NEK10: variants seen among roughly 807,000 people sequenced by gnomAD.
The protein encoded by NEK10 is serine/threonine-protein kinase Nek10.
NEK10 carries 122 observed loss-of-function variants against 159.8 expected under a neutral mutation model. The observed-to-expected ratio is 0.76, with a 90% CI of 0.66 to 0.89. The LOEUF (loss-of-function observed/expected upper bound fraction) is 0.89. Ranked by LOEUF, NEK10 falls within the 40% of genes least tolerant of loss-of-function variation. NEK10 has a pLI of 0.00. For synonymous variants in NEK10, 466 were observed against 457.1 expected (o/e 1.02, Z -0.25); for missense variants, 1,342 against 1,323.1 (o/e 1.01, Z -0.22).
At chr3:27,288,783 T>C (rs1401617302) in intron 19 of NEK10, among the ~76,000 whole-genome samples, 1 of 152,220 alleles carries the variant, frequency 6.6e-6, no homozygotes, top group Non-Finnish European at 1.5e-5. Flanking sequence ...AAATTTGTCT[T>C]AGAACAGTCA....
intron 26 of NEK10, among the ~76,000 whole-genome samples, chr3:27,178,568 GA>G (rs1291156510): frequency 6.6e-6 from 1 of 152,168 alleles, no homozygotes; most frequent in African/African-American, 2.4e-5. Context: ...TCATCCAGCT[GA>G]GGTGATCTTT....
At chr3:27,301,898 G>C (rs2043854459) in intron 12 of NEK10, 63 bp from the exon 13 acceptor site, 1 of 1,305,852 alleles carries the variant, frequency 7.7e-7, no homozygotes, top group African/African-American at 1.5e-5. Context: ...AGTCCTTTCT[G>C]TGTCACATTT....
chr3:27,270,571 T>C (rs1447909681), intron 22 of NEK10, among the ~76,000 whole-genome samples: 2 of 152,162 alleles, frequency 1.3e-5, no homozygotes, highest in Non-Finnish European at 2.9e-5. Context: ...GGATAATGAA[T>C]ACAACTGCCA....
chr3:27,243,443 C>A (rs1189936859), intron 23 of NEK10, among the ~76,000 whole-genome samples: 1 of 152,010 alleles, frequency 6.6e-6, no homozygotes, highest in African/African-American at 2.4e-5. Flanking sequence ...CATATTTCCC[C>A]ATTGTTTGAA....
chr3:27,264,233 C>T (rs2040682818), intron 22 of NEK10, among the ~76,000 whole-genome samples: 4 of 152,022 alleles, frequency 2.6e-5, no homozygotes, highest in African/African-American at 9.7e-5. Context: ...GAAATATATA[C>T]CAATTCTACA....
intron 5 of NEK10, among the ~76,000 whole-genome samples, chr3:27,324,193 C>T (rs1023088218): frequency 1.3e-5 from 2 of 152,206 alleles, no homozygotes; most frequent in African/African-American, 4.8e-5. Context: ...AGCTGTCCCA[C>T]ATCCAGTTAT....
intron 5 of NEK10, among the ~76,000 whole-genome samples, chr3:27,343,187 GT>G (rs1234776935): frequency 6.6e-6 from 1 of 152,114 alleles, no homozygotes; most frequent in East Asian, 1.9e-4. Context: ...CAAAAGTAAT[GT>G]ATTGGACAGT....
chr3:27,272,938 G>A (rs1343796115), intron 22 of NEK10, among the ~76,000 whole-genome samples: 1 of 152,140 alleles, frequency 6.6e-6, no homozygotes, highest in African/African-American at 2.4e-5. Flanking sequence ...CCCCCCAACT[G>A]CTTCCTAACC....
intron 1 of NEK10, among the ~76,000 whole-genome samples, chr3:27,362,144 A>T (rs1206692534): frequency 6.6e-6 from 1 of 152,194 alleles, no homozygotes; most frequent in Non-Finnish European, 1.5e-5. Flanking sequence ...TGTGAACTTG[A>T]AGAAGGTCCA....
chr3:27,240,187 A>T (rs187238899), intron 23 of NEK10, among the ~76,000 whole-genome samples: 157 of 152,306 alleles, frequency 1.0e-3, no homozygotes, highest in African/African-American at 3.7e-3. Flanking sequence ...CACTCCAGTC[A>T]TCAAATGATT....
chr3:27,171,992 C>A, intron 28 of NEK10, 119 bp from the exon 29 acceptor site: 2 of 1,071,946 alleles, frequency 1.9e-6, no homozygotes, highest in Non-Finnish European at 1.3e-6. Flanking sequence ...GAAAAGGGAA[C>A]TCATACACTG....
At chr3:27,159,696 AAGAT>A (rs978809259) in intron 30 of NEK10, among the ~76,000 whole-genome samples, 17 of 152,102 alleles carry the variant, frequency 1.1e-4, no homozygotes, top group African/African-American at 4.1e-4. Context: ...TTAGTAATAA[AAGAT>A]AGAACAAGGG....
chr3:27,171,098 A>G (rs1228931157), intron 29 of NEK10, among the ~76,000 whole-genome samples: 2 of 152,164 alleles, frequency 1.3e-5, no homozygotes, highest in Non-Finnish European at 2.9e-5. Flanking sequence ...ATTGTAATCA[A>G]GGTTCTGCTC....
At chr3:27,169,503 T>A (rs1946764460) in intron 29 of NEK10, among the ~76,000 whole-genome samples, 1 of 152,202 alleles carries the variant, frequency 6.6e-6, no homozygotes, top group East Asian at 1.9e-4. Flanking sequence ...TGATAAGTTT[T>A]CCTTGGGTTT....
chr3:27,243,172 C>T (rs1446554490), intron 23 of NEK10, among the ~76,000 whole-genome samples: 1 of 152,052 alleles, frequency 6.6e-6, no homozygotes, highest in Non-Finnish European at 1.5e-5. Context: ...CTTGTGTTAG[C>T]ATCGTGTCAT....
At chr3:27,275,748 T>A (rs1274199459) in intron 22 of NEK10, among the ~76,000 whole-genome samples, 4 of 152,198 alleles carry the variant, frequency 2.6e-5, no homozygotes, top group Non-Finnish European at 4.4e-5. Flanking sequence ...CTTTTTTTTA[T>A]ATAATGACAC....
intron 22 of NEK10, among the ~76,000 whole-genome samples, chr3:27,265,925 G>A (rs962704126): frequency 5.3e-5 from 8 of 150,954 alleles, no homozygotes; most frequent in African/African-American, 1.7e-4. Flanking sequence ...TCCTGCCTCA[G>A]CCTCCCGAGT....
At chr3:27,235,734 C>T (rs1953836102) in intron 23 of NEK10, among the ~76,000 whole-genome samples, 1 of 152,100 alleles carries the variant, frequency 6.6e-6, no homozygotes, top group South Asian at 2.1e-4. Flanking sequence ...ACAGAAATTC[C>T]ATTCGACCCA....
At chr3:27,211,784 C>A (rs1276370017) in intron 23 of NEK10, among the ~76,000 whole-genome samples, 2 of 152,098 alleles carry the variant, frequency 1.3e-5, no homozygotes, top group Non-Finnish European at 2.9e-5. Context: ...AGTTTACATT[C>A]CAGTAAAGGA....
Sources: allele counts gnomAD v4.1 joint callset (sites outside exome capture counted in the v4.1 genomes callset), GRCh38; gene constraint gnomAD v4.1.1; transcripts MANE v1.5; gene names NCBI Gene and HGNC (gene_info 2026-07-23, HGNC 2026-07-21).